The following PDE11A variants were observed in gnomAD, a reference collection of about 807,000 sequenced individuals.
PDE11A encodes phosphodiesterase 11A, also known as dual 3',5'-cyclic-AMP and -GMP phosphodiesterase 11A.
A neutral mutation model predicts 100.5 loss-of-function variants in PDE11A; 100 were observed. That is an observed-to-expected ratio of 1.00 (90% confidence interval 0.85 to 1.18). The LOEUF (loss-of-function observed/expected upper bound fraction) is 1.18. PDE11A is among the 50% of genes most tolerant of loss of function. PDE11A has a pLI of 0.00. For missense variants in PDE11A, 1,141 were observed against 1,152.6 expected (o/e 0.99, Z 0.15); for synonymous variants, 381 against 420.8 (o/e 0.91, Z 1.16).
chr2:177,663,669 C>T (rs959786043), intron 19 of PDE11A, among the ~76,000 whole-genome samples, 197 bp downstream of exon 19: 2 of 152,090 alleles, frequency 1.3e-5, no homozygotes, highest in East Asian at 3.9e-4. Context: ...AAGTGGAGAA[C>T]GCAGGTCTGC....
intron 9 of PDE11A, among the ~76,000 whole-genome samples, chr2:177,796,851 A>C (rs2082714532): frequency 6.6e-6 from 1 of 152,178 alleles, no homozygotes; most frequent in South Asian, 2.1e-4. Flanking sequence ...TGAGTCAACT[A>C]ACTTAGACTC....
At chr2:177,652,877 A>C (rs1159441798) in intron 19 of PDE11A, among the ~76,000 whole-genome samples, 1 of 152,086 alleles carries the variant, frequency 6.6e-6, no homozygotes, top group East Asian at 1.9e-4. Context: ...CTTCTCTTTC[A>C]TGCTTTTTGG....
chr2:177,698,644 T>C (rs1402078490), intron 14 of PDE11A: 9 of 152,182 alleles, frequency 5.9e-5, no homozygotes, highest in African/African-American at 1.4e-4. Flanking sequence ...GATGATTATC[T>C]GTTTCCCCAA....
intron 2 of PDE11A, among the ~76,000 whole-genome samples, chr2:178,087,132 C>T (rs190111867): frequency 1.3e-4 from 20 of 152,094 alleles, no homozygotes; most frequent in Admixed American, 3.9e-4. Context: ...ATCAGGAGTT[C>T]GAAACCAGCC....
At chr2:177,829,230 T>C (rs1202320356) in intron 6 of PDE11A, among the ~76,000 whole-genome samples, 2 of 152,116 alleles carry the variant, frequency 1.3e-5, no homozygotes, top group Non-Finnish European at 2.9e-5. Flanking sequence ...GCTTTAGACA[T>C]GTTAAGTTTA....
chr2:177,919,702 T>C (rs962576290), intron 2 of PDE11A, among the ~76,000 whole-genome samples: 1 of 152,100 alleles, frequency 6.6e-6, no homozygotes, highest in African/African-American at 2.4e-5. Context: ...ATTGAATCAA[T>C]ATTAAAAAGA....
At position 177,663,930 on chromosome 2, in the gene PDE11A, C is replaced by T. The variant is rs528467210; in HGVS notation, c.2582G>A (p.Arg861Gln). 2.2e-5 allele frequency: 36 copies of T among 1,611,060 alleles called. No individual in the cohort carries two copies. The South Asian group carries it at 2.5e-4, about 11-fold the overall frequency. ...TTGCAACCGAGGCAGTTCATCCTTC[C>T]GGTTCCGATCAAAAATTGCCTAGAA... ...LTPSAIFDRN[R>Q]KDELPRLQLE... The change falls in exon 19 of 20, where the codon CGG becomes CAG. Residue 861 changes from arginine (R) to glutamine (Q), a missense_variant. Transcript: ENST00000286063.
intron 1 of PDE11A, among the ~76,000 whole-genome samples, chr2:178,051,389 C>A (rs528676919): frequency 2.4e-4 from 37 of 152,268 alleles, no homozygotes; most frequent in South Asian, 6.2e-4. Flanking sequence ...CTGGTACCAG[C>A]CACTGCAAAA....
chr2:178,099,484 A>G (rs2087535952), intron 2 of PDE11A, among the ~76,000 whole-genome samples: 1 of 152,070 alleles, frequency 6.6e-6, no homozygotes, highest in South Asian at 2.1e-4. Flanking sequence ...AGAACAAAGA[A>G]AAACACAGTA....
intron 5 of PDE11A, among the ~76,000 whole-genome samples, chr2:177,853,210 C>T (rs888616595): frequency 6.6e-6 from 1 of 151,926 alleles, no homozygotes; most frequent in Non-Finnish European, 1.5e-5. Context: ...ATTATTATCT[C>T]TAATTTTTAG....
chr2:177,924,139 T>C (rs983707407), intron 2 of PDE11A, among the ~76,000 whole-genome samples: 2 of 152,364 alleles, frequency 1.3e-5, no homozygotes, highest in Admixed American at 6.5e-5. Flanking sequence ...CCTCCTTTTT[T>C]ATTTTTCCTT....
chr2:178,071,754 A>G lies in PDE11A; in HGVS notation c.684T>C (p.Phe228=), dbSNP rs2087134524. Reference sequence around the variant, plus strand: ...GGTCAGCATCCACCATAAGGCAGACAAAGATGAGAATCTTGTAGCTCAGGC... The same window carrying G: ...GGTCAGCATCCACCATAAGGCAGACGAAGATGAGAATCTTGTAGCTCAGGC... ...LTSLSYKILI[F]VCLMVDADRC... Residue 228 remains phenylalanine (F), a synonymous_variant, in exon 1 of 20, where the codon TTT becomes TTC. Transcript: ENST00000286063. 1.2e-6 allele frequency: 2 copies of G among 1,614,154 alleles called. No homozygotes were observed. The highest frequency in any genetic ancestry group is 1.7e-6 in the Non-Finnish European group (2 of 1,179,974).
intron 9 of PDE11A, among the ~76,000 whole-genome samples, chr2:177,796,317 AGG>A (rs2082707903): frequency 6.6e-6 from 1 of 152,044 alleles, no homozygotes; most frequent in Non-Finnish European, 1.5e-5. Flanking sequence ...ATTATATTCC[AGG>A]TACCTGGGAT....
At chr2:178,106,638 T>C (rs1313668928) in intron 1 of PDE11A, among the ~76,000 whole-genome samples, 1 of 152,090 alleles carries the variant, frequency 6.6e-6, no homozygotes, top group Non-Finnish European at 1.5e-5. Flanking sequence ...TAGATAATCT[T>C]TATTTCCAAT....
At chr2:178,106,128 T>G (rs982786924) in intron 1 of PDE11A, among the ~76,000 whole-genome samples, 4 of 152,230 alleles carry the variant, frequency 2.6e-5, no homozygotes, top group African/African-American at 9.6e-5. Flanking sequence ...AATTCATAAA[T>G]TGTTTAACAT....
In PDE11A at chr2:177,623,560, ACTTAGCCT is replaced by A. The variant is rs747534719; in HGVS notation, c.*5839_*5846del. Reference sequence around the variant, plus strand: ...CCCCAAGGGAATGAGACTCAACAAAACTTAGCCTCCTATTTCCAATGTTATTTTTAAAA... The same window carrying A: ...CCCCAAGGGAATGAGACTCAACAAAACCTATTTCCAATGTTATTTTTAAAA... On this transcript the variant is annotated 3_prime_UTR_variant, in exon 20 of 20. Coordinates refer to ENST00000286063, the MANE Select transcript of PDE11A (RefSeq NM_016953.4). 8 of 152,242 alleles carry A rather than the reference ACTTAGCCT, an allele frequency of 5.3e-5. No individual in the cohort carries two copies. Among genetic ancestry groups the A allele is most frequent in the South Asian group, 4.1e-4 (2 of 4,834 alleles). 9.4% of individuals were successfully genotyped at this position (152,242 alleles called of 1,614,324 possible).
intron 18 of PDE11A, among the ~76,000 whole-genome samples, chr2:177,669,169 C>T (rs2080635044): frequency 6.6e-6 from 1 of 152,166 alleles, no homozygotes; most frequent in Non-Finnish European, 1.5e-5. Context: ...TTTTGATGCA[C>T]AGTGTTTCTA....
chr2:177,785,397 G>A (rs2082517731), intron 9 of PDE11A, among the ~76,000 whole-genome samples: 2 of 152,142 alleles, frequency 1.3e-5, no homozygotes, highest in African/African-American at 4.8e-5. Context: ...GACAATTCTG[G>A]GAGGGCAGCC....
At chr2:177,915,004 T>C (rs182022963) in intron 2 of PDE11A, among the ~76,000 whole-genome samples, 6 of 152,324 alleles carry the variant, frequency 3.9e-5, no homozygotes, top group South Asian at 2.1e-4. Context: ...GATATATCAG[T>C]ACTTTATTCC....
Sources: gnomAD v4.1 joint callset for allele counts (sites outside exome capture counted in the v4.1 genomes callset) on GRCh38, gnomAD v4.1.1 for gene constraint, MANE v1.5 for transcripts, NCBI Gene and HGNC (gene_info 2026-07-23, HGNC 2026-07-21) for gene names.